Variants in DTYMK observed in about 807,000 individuals in gnomAD.
The protein encoded by DTYMK is deoxythymidylate kinase.
A neutral mutation model predicts 20.3 loss-of-function variants in DTYMK; 20 were observed. That is an observed-to-expected ratio of 0.99 (90% CI 0.69 to 1.43). The LOEUF is 1.43. Ranked by LOEUF, DTYMK falls within the 40% of genes most tolerant of loss-of-function variation. The pLI is 0.00. For synonymous variants in DTYMK, 148 were observed against 124.4 expected (o/e 1.19, Z -1.27); for missense variants, 320 against 291.1 (o/e 1.10, Z -0.72).
At chr2:241,685,152 T>C (rs900028733) in intron 2 of DTYMK, 6 of 156,860 alleles carry the variant, frequency 3.8e-5, no homozygotes, top group Non-Finnish European at 8.4e-5. Flanking sequence ...TGAGCCATGA[T>C]CGGGTGCCAC....
chr2:241,680,170 A>T, intron 3 of DTYMK, 59 bp downstream of exon 3: 1 of 1,541,440 alleles, frequency 6.5e-7, no homozygotes. Flanking sequence ...CTCGCATTCA[A>T]GGGCAGTCCT....
chr2:241,686,615 A>C (rs1300773698), intron 1 of DTYMK, 39 bp downstream of exon 1: 3 of 1,471,112 alleles, frequency 2.0e-6, no homozygotes, highest in Non-Finnish European at 2.7e-6. Context: ...AGGCAGAGGC[A>C]CCGAAGGCCG....
At chr2:241,679,607 GCAAC>G (rs1424729996) in intron 3 of DTYMK, among the ~76,000 whole-genome samples, 1 of 152,058 alleles carries the variant, frequency 6.6e-6, no homozygotes, top group Non-Finnish European at 1.5e-5. Context: ...TCCAGCCTGG[GCAAC>G]AGAGGGAGAC....
rs2069164268 is a variant in DTYMK, at chr2:241,678,394, CG to C, written c.528+57del. On this transcript the variant is annotated intron_variant, in intron 4 of 4. Coordinates refer to ENST00000305784, the MANE Select transcript of DTYMK (RefSeq NM_012145.4). ...GCTGACACAACTGTGCCAGCCACCA[CG>C]GTGTCATCCTGAGCCACTTCTCCAC... is the stretch of plus-strand genomic sequence containing the variant. 1.4e-4 allele frequency: 232 copies of C among 1,604,992 alleles called. 7 individuals carry two copies. In the South Asian group the frequency reaches 2.5e-3, roughly 17 times the overall value.
At position 241,682,927 on chromosome 2, in the gene DTYMK, A is replaced by G. The variant is rs147777433; in HGVS notation, c.240-2608T>C. ...CGACAAGAATGAAACTGTCTCGAGGAAAACAAAAAAGAAATACAAAACTTA... is the reference window on the plus strand; with the variant it reads ...CGACAAGAATGAAACTGTCTCGAGGGAAACAAAAAAGAAATACAAAACTTA... On this transcript the variant is annotated intron_variant, in intron 2 of 4. Transcript: ENST00000305784. The G allele has an allele frequency of 3.7e-3, 585 of 156,848 alleles. 3 individuals are homozygous for G. The highest frequency in any genetic ancestry group is 6.9e-3 in the South Asian group (40 of 5,830). 9.7% of individuals were successfully genotyped at this position (156,848 alleles called of 1,614,324 possible). A position where few individuals can be genotyped will look rare whatever the true frequency, so the allele number is the denominator to read the frequency against.
In DTYMK at chr2:241,686,752, A is replaced by G; in HGVS notation, c.32T>C (p.Leu11Pro). 2 of 1,509,878 alleles carry G rather than the reference A, an allele frequency of 1.3e-6. No individual in the cohort carries two copies. Among genetic ancestry groups the G allele is most frequent in the Non-Finnish European group, 8.7e-7 (1 of 1,144,188 alleles). The allele number at this position is 1,509,878 out of a possible 1,614,324, so 93.5% of individuals were successfully genotyped here. A position where few individuals can be genotyped will look rare whatever the true frequency, so the allele number is the denominator to read the frequency against. Residue 11 changes from leucine (L) to proline (P), a missense_variant, in exon 1 of 5, where the codon CTG (leucine) becomes CCG (proline). Physicochemically the swap from Leu to Pro is moderately conservative, Grantham distance 98. Transcript: ENST00000305784. The part of the protein sequence containing the change: MAARRGALIV[L>P]EGVDRAGKST... ...CTTCCCGGCGCGGTCCACGCCCTCCAGCACTATGAGAGCCCCGCGCCGGGC... is the reference window on the plus strand; with the variant it reads ...CTTCCCGGCGCGGTCCACGCCCTCCGGCACTATGAGAGCCCCGCGCCGGGC...
At chr2:241,685,899 C>A (rs1198094238) in intron 1 of DTYMK, 22 bp from the exon 2 acceptor site, 1 of 1,610,254 alleles carries the variant, frequency 6.2e-7, no homozygotes, top group Non-Finnish European at 8.5e-7. Flanking sequence ...GAGAAACACA[C>A]AAAATGCAAG....
chr2:241,676,163 A>G lies in DTYMK; in HGVS notation c.603T>C (p.Thr201=). 6.2e-7 allele frequency: 1 copy of G among 1,612,922 alleles called. No individual in the cohort carries two copies. The highest frequency in any genetic ancestry group is 8.5e-7 in the Non-Finnish European group (1 of 1,179,526). ...IRVLSEDAIR[T]ATEKPLGELW... ...GCTCCCCCAGCGGCTTCTCTGTGGC[A>G]GTGCGGATGGCGTCCTCAGAGAGCA... Residue 201 remains threonine (T), a synonymous_variant, in exon 5 of 5, where the codon ACT becomes ACC. Transcript: ENST00000305784.
At chr2:241,676,518 G>A (rs527823831) in intron 4 of DTYMK, among the ~76,000 whole-genome samples, 12 of 152,212 alleles carry the variant, frequency 7.9e-5, no homozygotes, top group Non-Finnish European at 1.2e-4. Context: ...CACACAGGCC[G>A]GGCTCTGGAA....
At chr2:241,679,958 G>C (rs557773177) in intron 3 of DTYMK, among the ~76,000 whole-genome samples, 1 of 134,094 alleles carries the variant, frequency 7.5e-6, no homozygotes, top group African/African-American at 2.7e-5. Context: ...GACAGAATGA[G>C]AGACTGTCTC....
At chr2:241,678,776 G>A in intron 3 of DTYMK, 127 bp from the exon 4 acceptor site, 2 of 1,092,212 alleles carry the variant, frequency 1.8e-6, no homozygotes, top group Non-Finnish European at 2.6e-6. Context: ...TTTATATTGT[G>A]GCTCGTTTAA....
At chr2:241,685,193 C>G (rs2069354364) in intron 2 of DTYMK, 1 of 151,776 alleles carries the variant, frequency 6.6e-6, no homozygotes, top group African/African-American at 2.5e-5. Context: ...AGAGCAATAC[C>G]TTGTCTTAAA....
chr2:241,686,683 C>T lies in DTYMK; in HGVS notation c.101G>A (p.Gly34Asp). Residue 34 changes from glycine (G) to aspartate (D), a missense_variant, in exon 1 of 5, where the codon GGC becomes GAC. Physicochemically the swap from Gly to Asp is moderately conservative, Grantham distance 94. Coordinates refer to ENST00000305784, the MANE Select transcript of DTYMK (RefSeq NM_012145.4). ...GAACCGGAGCAGTTCGGCGCGGTGG[C>T]CCGCGGCGCACAGCGCTTCCACCAG... ...RKLVEALCAA[G>D]HRAELLRFPE... is the part of the protein sequence containing the mutation. 2.6e-6 allele frequency: 4 copies of T among 1,531,044 alleles called. No homozygotes were observed. The highest frequency in any genetic ancestry group is 2.0e-5 in the Admixed American group (1 of 50,030). 94.8% of individuals were successfully genotyped at this position (1,531,044 alleles called of 1,614,324 possible).
intron 1 of DTYMK, 150 bp from the exon 2 acceptor site, chr2:241,686,027 A>C: frequency 1.4e-6 from 1 of 722,838 alleles, no homozygotes; most frequent in Non-Finnish European, 2.2e-6. Context: ...TCTTCTGCGG[A>C]AGCCAAAGGA....
chr2:241,681,327 C>G (rs2069252575), intron 2 of DTYMK, among the ~76,000 whole-genome samples: 1 of 152,238 alleles, frequency 6.6e-6, no homozygotes, highest in Non-Finnish European at 1.5e-5. Context: ...GCTGCTGGAA[C>G]AACTGGACAT....
chr2:241,686,528 C>T, intron 1 of DTYMK, 126 bp downstream of exon 1: 2 of 1,317,974 alleles, frequency 1.5e-6, no homozygotes, highest in Non-Finnish European at 1.9e-6. Context: ...AGGGAAAGCC[C>T]GTCTTTCAAA....
Position 241,678,578 on chromosome 2 carries a change from C to T in DTYMK, c.402G>A (p.Gln134=). ...LPKPDLVLFL[Q]LQLADAAKRG... ...GCTTGGCAGCATCCGCCAGCTGTAACTGGAGGAACAGGACCAGGTCGGGTT... is the reference window on the plus strand; with the variant it reads ...GCTTGGCAGCATCCGCCAGCTGTAATTGGAGGAACAGGACCAGGTCGGGTT... The change falls in exon 4 of 5, where the codon CAG becomes CAA. Residue 134 remains glutamine, a synonymous_variant. Transcript: ENST00000305784. 6.2e-7 allele frequency: 1 copy of T among 1,614,216 alleles called. No individual in the cohort carries two copies. Among genetic ancestry groups the T allele is most frequent in the Non-Finnish European group, 8.5e-7 (1 of 1,180,046 alleles).
chr2:241,681,367 A>G (rs1012136380), intron 2 of DTYMK, among the ~76,000 whole-genome samples: 8 of 152,164 alleles, frequency 5.3e-5, no homozygotes, highest in Admixed American at 2.0e-4. Context: ...TCTAGACCAG[A>G]CCGTATACCC....
Position 241,680,251 on chromosome 2 carries a change from A to C in DTYMK, c.308T>G (p.Val103Gly). ...LVVDRYAFSG[V>G]AFTGAKENFS... The stretch of plus-strand genomic sequence containing the variant: ...CACCTCCTTGGCACCGGTGAAGGCC[A>C]CACCAGAAAATGCGTATCTGTCCAC... Residue 103 changes from valine to glycine, a missense_variant, in exon 3 of 5, where the codon GTG (valine) becomes GGG (glycine). Transcript: ENST00000305784. The C allele has an allele frequency of 6.2e-7, 1 of 1,614,206 alleles. No homozygotes were observed. Among genetic ancestry groups the C allele is most frequent in the Non-Finnish European group, 8.5e-7 (1 of 1,180,036 alleles).
Sources: allele counts gnomAD v4.1 joint callset (sites outside exome capture counted in the v4.1 genomes callset), GRCh38; gene constraint gnomAD v4.1.1; transcripts MANE v1.5; gene names NCBI Gene and HGNC (gene_info 2026-07-23, HGNC 2026-07-21).